The following NEGR1 variants were observed in gnomAD, a reference collection of about 807,000 sequenced individuals.
NEGR1 encodes the protein IgLON family member 4.
Under a neutral mutation model 40.9 loss-of-function variants are expected in NEGR1, and 10 were observed. That is an observed-to-expected ratio of 0.24 (90% CI 0.15 to 0.42). The LOEUF (loss-of-function observed/expected upper bound fraction) is 0.42, where lower values mean the gene tolerates loss of function less well. Ranked by LOEUF, NEGR1 falls within the 10% of genes least tolerant of loss-of-function variation. The probability of loss-of-function intolerance (pLI) is 1.00; values close to 1 mark genes in which losing one functional copy is unlikely to be tolerated. For missense variants in NEGR1, 352 were observed against 438.9 expected (o/e 0.80, Z 1.77); for synonymous variants, 185 against 166.8 (o/e 1.11, Z -0.84).
intron 1 of NEGR1, among the ~76,000 whole-genome samples, chr1:72,130,828 T>C (rs1261424354): frequency 6.6e-6 from 1 of 152,172 alleles, no homozygotes; most frequent in Non-Finnish European, 1.5e-5. Context: ...ATCTCTATAT[T>C]ATCTATAATC....
intron 1 of NEGR1, among the ~76,000 whole-genome samples, chr1:72,129,062 A>G (rs1650139794): frequency 6.6e-6 from 1 of 151,978 alleles, no homozygotes; most frequent in Non-Finnish European, 1.5e-5. Context: ...GAGGACTTGA[A>G]CTACACCACT....
At chr1:71,988,726 CAG>C (rs1646424277) in intron 1 of NEGR1, among the ~76,000 whole-genome samples, 1 of 151,448 alleles carries the variant, frequency 6.6e-6, no homozygotes, top group Non-Finnish European at 1.5e-5. Flanking sequence ...GTGGGACACA[CAG>C]AAAACATGTC....
chr1:71,655,905 G>A (rs1651859752), intron 4 of NEGR1, among the ~76,000 whole-genome samples: 2 of 152,138 alleles, frequency 1.3e-5, no homozygotes, highest in Admixed American at 6.5e-5. Flanking sequence ...ACCCTAGCAA[G>A]CTTCTGCTTA....
intron 6 of NEGR1, among the ~76,000 whole-genome samples, chr1:71,441,570 T>G (rs569264467): frequency 6.6e-6 from 1 of 152,286 alleles, no homozygotes; most frequent in Non-Finnish European, 1.5e-5. Flanking sequence ...AGTAATGAAG[T>G]AAAATTTTAC....
intron 6 of NEGR1, among the ~76,000 whole-genome samples, chr1:71,455,182 C>A (rs1338177707): frequency 6.6e-6 from 1 of 152,084 alleles, no homozygotes; most frequent in Non-Finnish European, 1.5e-5. Context: ...TTCTACAATT[C>A]CAGGAGAAAC....
intron 6 of NEGR1, among the ~76,000 whole-genome samples, chr1:71,428,451 C>G (rs1365062317): frequency 6.6e-6 from 1 of 152,080 alleles, no homozygotes. Flanking sequence ...AGTATAAGCC[C>G]TAATAAATTC....
intron 6 of NEGR1, among the ~76,000 whole-genome samples, chr1:71,422,324 T>A (rs1263165664): frequency 6.6e-6 from 1 of 152,224 alleles, no homozygotes; most frequent in Non-Finnish European, 1.5e-5. Context: ...AATGGCACTG[T>A]CTATTGTTAC....
At chr1:71,749,545 T>C (rs1427342889) in intron 3 of NEGR1, among the ~76,000 whole-genome samples, 2 of 152,190 alleles carry the variant, frequency 1.3e-5, no homozygotes, top group Non-Finnish European at 2.9e-5. Context: ...CTCGTGTCCC[T>C]GACATCCTAT....
At chr1:71,812,542 C>T (rs1658040061) in intron 2 of NEGR1, among the ~76,000 whole-genome samples, 1 of 152,130 alleles carries the variant, frequency 6.6e-6, no homozygotes, top group African/African-American at 2.4e-5. Flanking sequence ...TATTTCTCCA[C>T]AGCCTTGCCA....
chr1:72,054,947 T>G (rs1329987913), intron 1 of NEGR1, among the ~76,000 whole-genome samples: 2 of 151,152 alleles, frequency 1.3e-5, no homozygotes, highest in Non-Finnish European at 3.0e-5. Flanking sequence ...ATATTTCATG[T>G]GCAAGCGCAT....
In NEGR1 at chr1:71,692,907, C is replaced by T. The variant is rs557268886; in HGVS notation, c.667+5101G>A. On this transcript the variant is annotated intron_variant, in intron 4 of 6. Transcript: ENST00000357731. The stretch of plus-strand genomic sequence containing the variant: ...TTAATCAATTCTATTTTACTAAAAA[C>T]GTGTGTACAAAATAATTTCTGATAC... Among the ~76,000 whole-genome samples the T allele has an allele frequency of 4.6e-5, 7 of 151,804 alleles. No individual in the cohort carries two copies. The East Asian group carries it at 1.4e-3, about 29-fold the overall frequency.
intron 3 of NEGR1, among the ~76,000 whole-genome samples, chr1:71,710,702 T>C (rs1179424805): frequency 6.6e-6 from 1 of 151,984 alleles, no homozygotes; most frequent in Non-Finnish European, 1.5e-5. Flanking sequence ...CCAGAACTTG[T>C]GGTCATAAAG....
chr1:72,083,380 CTA>C (rs1270969854), intron 1 of NEGR1, among the ~76,000 whole-genome samples: 1 of 151,510 alleles, frequency 6.6e-6, no homozygotes, highest in African/African-American at 2.4e-5. Context: ...TAGGTTATTG[CTA>C]TGTTTCCCAG....
intron 3 of NEGR1, among the ~76,000 whole-genome samples, chr1:71,744,494 C>A (rs1050293044): frequency 1.3e-5 from 2 of 151,908 alleles, no homozygotes; most frequent in South Asian, 4.1e-4. Context: ...TCAAGGTTGA[C>A]TTTCATGGAG....
intron 1 of NEGR1, among the ~76,000 whole-genome samples, chr1:72,002,665 T>G (rs1646567914): frequency 6.6e-6 from 1 of 152,106 alleles, no homozygotes; most frequent in Admixed American, 6.6e-5. Flanking sequence ...CAAAACCATA[T>G]AACATGAGGA....
At chr1:72,262,840 A>G (rs746452142) in intron 1 of NEGR1, among the ~76,000 whole-genome samples, 4 of 151,984 alleles carry the variant, frequency 2.6e-5, no homozygotes, top group Non-Finnish European at 4.4e-5. Flanking sequence ...AGTTAACCAA[A>G]AAGTAATTTA....
chr1:72,047,098 T>C (rs1647009760), intron 1 of NEGR1, among the ~76,000 whole-genome samples: 1 of 151,400 alleles, frequency 6.6e-6, no homozygotes, highest in Admixed American at 6.6e-5. Flanking sequence ...CCTGGCTTCT[T>C]CCCAAGTTCA....
chr1:72,051,190 C>T (rs1308944975), intron 1 of NEGR1, among the ~76,000 whole-genome samples: 1 of 151,396 alleles, frequency 6.6e-6, no homozygotes, highest in Admixed American at 6.6e-5. Context: ...GTGTGTAATG[C>T]ACACCAAGAT....
intron 1 of NEGR1, among the ~76,000 whole-genome samples, chr1:72,057,498 G>A (rs1484788791): frequency 6.6e-6 from 1 of 151,322 alleles, no homozygotes; most frequent in African/African-American, 2.4e-5. Context: ...GAAAATAAAA[G>A]AAAAGAGACT....
Sources: allele counts gnomAD v4.1 joint callset (sites outside exome capture counted in the v4.1 genomes callset), GRCh38; gene constraint gnomAD v4.1.1; transcripts MANE v1.5; gene names NCBI Gene and HGNC (gene_info 2026-07-23, HGNC 2026-07-21).